The following PLCB1 variants were observed in gnomAD, a reference collection of about 807,000 sequenced individuals.
The protein encoded by PLCB1 is 1-phosphatidylinositol 4,5-bisphosphate phosphodiesterase beta-1.
A neutral mutation model predicts 161.8 loss-of-function variants in PLCB1; 46 were observed. The observed-to-expected ratio is 0.28, with a 90% confidence interval of 0.22 to 0.36. PLCB1 has a LOEUF of 0.36. Ranked by LOEUF, PLCB1 falls within the 10% of genes least tolerant of loss-of-function variation. PLCB1 has a pLI of 1.00. For missense variants in PLCB1, 1,016 were observed against 1,472.5 expected (o/e 0.69, Z 5.07); for synonymous variants, 517 against 503.7 (o/e 1.03, Z -0.35).
At chr20:8,329,146 A>G (rs2122185228) in intron 2 of PLCB1, among the ~76,000 whole-genome samples, 1 of 152,234 alleles carries the variant, frequency 6.6e-6, no homozygotes, top group South Asian at 2.1e-4. Context: ...AATTTGGTGA[A>G]ATGGTTCTGT....
chr20:8,475,396 G>A (rs1331148043), intron 3 of PLCB1, among the ~76,000 whole-genome samples: 1 of 151,966 alleles, frequency 6.6e-6, no homozygotes, highest in African/African-American at 2.4e-5. Flanking sequence ...GACCAACCTG[G>A]GCAACACAGC....
At chr20:8,778,014 C>T (rs1310493423) in intron 27 of PLCB1, among the ~76,000 whole-genome samples, 1 of 152,096 alleles carries the variant, frequency 6.6e-6, no homozygotes, top group East Asian at 1.9e-4. Flanking sequence ...TCATTACCTC[C>T]CACCAGGTCC....
chr20:8,451,410 C>T (rs986405177), intron 3 of PLCB1, among the ~76,000 whole-genome samples: 1 of 152,138 alleles, frequency 6.6e-6, no homozygotes, highest in African/African-American at 2.4e-5. Context: ...TGCAGTGGCA[C>T]GATCTTGGCT....
At chr20:8,283,260 C>T (rs1397373014) in intron 2 of PLCB1, among the ~76,000 whole-genome samples, 1 of 152,092 alleles carries the variant, frequency 6.6e-6, no homozygotes. Context: ...GGTGGTTCTA[C>T]AGAAAGAAAA....
intron 1 of PLCB1, among the ~76,000 whole-genome samples, chr20:8,134,113 C>T (rs2051319620): frequency 6.6e-6 from 1 of 152,226 alleles, no homozygotes; most frequent in South Asian, 2.1e-4. Flanking sequence ...ATGGGCTTCA[C>T]ACTTTTCTTC....
At chr20:8,748,344 G>A (rs983562299) in intron 23 of PLCB1, among the ~76,000 whole-genome samples, 4 of 152,222 alleles carry the variant, frequency 2.6e-5, no homozygotes, top group Non-Finnish European at 4.4e-5. Flanking sequence ...GAGTGATTTG[G>A]TGCCTAATAT....
intron 2 of PLCB1, among the ~76,000 whole-genome samples, chr20:8,287,704 C>T (rs1457024974): frequency 1.3e-5 from 2 of 152,164 alleles, no homozygotes; most frequent in Non-Finnish European, 2.9e-5. Context: ...CTCAACGTCA[C>T]CTACACAAAC....
chr20:8,210,688 A>G (rs1371255876), intron 2 of PLCB1, among the ~76,000 whole-genome samples: 4 of 152,086 alleles, frequency 2.6e-5, no homozygotes, highest in African/African-American at 4.8e-5. Context: ...TGGGTATTCA[A>G]TCCTTGGAGT....
At chr20:8,247,621 C>T (rs894027825) in intron 2 of PLCB1, among the ~76,000 whole-genome samples, 4 of 151,016 alleles carry the variant, frequency 2.6e-5, no homozygotes, top group African/African-American at 9.8e-5. Context: ...TAATACAGCA[C>T]ACACACACAC....
chr20:8,814,927 C>T (rs541693787), intron 31 of PLCB1, among the ~76,000 whole-genome samples: 1 of 152,150 alleles, frequency 6.6e-6, no homozygotes, highest in African/African-American at 2.4e-5. Flanking sequence ...TCTAGTCTCC[C>T]GTCTTTTTGC....
chr20:8,674,745 G>A (rs750767463), intron 9 of PLCB1, among the ~76,000 whole-genome samples: 4 of 152,046 alleles, frequency 2.6e-5, no homozygotes, highest in African/African-American at 7.2e-5. Context: ...AGGAAGCCTC[G>A]GTATGAGAAT....
At chr20:8,407,167 A>AT (rs962463058) in intron 3 of PLCB1, among the ~76,000 whole-genome samples, 2 of 152,114 alleles carry the variant, frequency 1.3e-5, no homozygotes, top group Non-Finnish European at 2.9e-5. Flanking sequence ...TGAAAATAAA[A>AT]TTTTTTTTAA....
chr20:8,447,695 G>A (rs887114467), intron 3 of PLCB1, among the ~76,000 whole-genome samples: 4 of 152,174 alleles, frequency 2.6e-5, no homozygotes, highest in Non-Finnish European at 4.4e-5. Context: ...AACTCCTAGA[G>A]CTGTCCAACA....
chr20:8,557,591 A>G (rs1298194101), intron 3 of PLCB1, among the ~76,000 whole-genome samples: 1 of 151,984 alleles, frequency 6.6e-6, no homozygotes, highest in African/African-American at 2.4e-5. Flanking sequence ...GCTTTGGAAG[A>G]TATTAAAAAG....
At chr20:8,775,712 A>G (rs947316378) in intron 27 of PLCB1, among the ~76,000 whole-genome samples, 1 of 152,202 alleles carries the variant, frequency 6.6e-6, no homozygotes, top group African/African-American at 2.4e-5. Context: ...GTTATTCTCA[A>G]CTTGAGCATG....
chr20:8,134,458 AG>A (rs2051324136), intron 1 of PLCB1, among the ~76,000 whole-genome samples: 1 of 152,234 alleles, frequency 6.6e-6, no homozygotes, highest in Non-Finnish European at 1.5e-5. Flanking sequence ...CTTGTTTGGG[AG>A]AGAATAGCCA....
chr20:8,591,716 G>A (rs772560174), intron 3 of PLCB1, among the ~76,000 whole-genome samples: 6 of 152,136 alleles, frequency 3.9e-5, no homozygotes, highest in Non-Finnish European at 7.4e-5. Flanking sequence ...TTGTTGTTAA[G>A]CACTTTTTTC....
intron 3 of PLCB1, among the ~76,000 whole-genome samples, chr20:8,586,372 A>G (rs2123094665): frequency 6.6e-6 from 1 of 150,942 alleles, no homozygotes; most frequent in South Asian, 2.1e-4. Flanking sequence ...TTTTTTGCCT[A>G]AAAAGCGTCA....
chr20:8,823,409 C>T (rs1985532796), intron 31 of PLCB1, among the ~76,000 whole-genome samples: 1 of 152,142 alleles, frequency 6.6e-6, no homozygotes, highest in Non-Finnish European at 1.5e-5. Flanking sequence ...AGGCCTGAGC[C>T]ATCATGCCCC....
Sources: allele counts gnomAD v4.1 joint callset (sites outside exome capture counted in the v4.1 genomes callset), GRCh38; gene constraint gnomAD v4.1.1; transcripts MANE v1.5; gene names NCBI Gene and HGNC (gene_info 2026-07-23, HGNC 2026-07-21).